Variants in RIC3 observed in about 807,000 individuals in gnomAD.
RIC3 encodes RIC3 acetylcholine receptor chaperone.
Under a neutral mutation model 27.3 loss-of-function variants are expected in RIC3, and 28 were observed. The ratio of observed to expected loss-of-function variants is 1.02; its 90% CI spans 0.76 to 1.41. The LOEUF (loss-of-function observed/expected upper bound fraction) is 1.41. RIC3 is among the 40% of genes most tolerant of loss of function. The pLI is 0.00. For missense variants in RIC3, 501 were observed against 444.7 expected, an observed-to-expected ratio of 1.13 and a Z score of -1.14; for synonymous variants, 184 against 160.4, an observed-to-expected ratio of 1.15 and a Z score of -1.11.
intron 1 of RIC3, among the ~76,000 whole-genome samples, chr11:8,159,927 G>C (rs1951020968): frequency 6.6e-6 from 1 of 152,120 alleles, no homozygotes; most frequent in African/African-American, 2.4e-5. Context: ...TTGGGAGGCA[G>C]AGGTTGCAGT....
chr11:8,127,502 T>C (rs182961074), intron 4 of RIC3, among the ~76,000 whole-genome samples: 69 of 152,348 alleles, frequency 4.5e-4, no homozygotes, highest in African/African-American at 1.6e-3. Flanking sequence ...AAGTTCCACA[T>C]TTTGGAAAAC....
chr11:8,114,606 C>CAAAAAAAA (rs58294024), intron 5 of RIC3, among the ~76,000 whole-genome samples: 1 of 136,686 alleles, frequency 7.3e-6, no homozygotes. Context: ...AACTCCATCT[C>CAAAAAAAA]AAAAAAAAAA....
chr11:8,110,856 C>T lies in RIC3; in HGVS notation c.952G>A (p.Glu318Lys), dbSNP rs563042363. The T allele has an allele frequency of 9.2e-5, 148 of 1,614,204 alleles. 1 individual carries two copies. The South Asian group carries it at 1.5e-3, about 17-fold the overall frequency. Residue 318 changes from glutamate to lysine, a missense_variant, in exon 6 of 6, where the codon GAG becomes AAG. Coordinates refer to ENST00000309737, the MANE Select transcript of RIC3 (RefSeq NM_001206671.4). ...CTATCTGCACTGAATCCAGCATTCT[C>T]TGCCAAGACAGCAGGATCCTCGTCT... The part of the protein sequence containing the change: ...HEDEDPAVLA[E>K]NAGFSADSYP...
At chr11:8,148,373 T>C (rs953392874) in intron 1 of RIC3, among the ~76,000 whole-genome samples, 1 of 152,198 alleles carries the variant, frequency 6.6e-6, no homozygotes, top group African/African-American at 2.4e-5. Context: ...TTGGCTATTA[T>C]GCACCTTCAA....
At chr11:8,095,577 A>G in the RIC3 span, 1 of 1,613,274 alleles carries the variant, frequency 6.2e-7, no homozygotes. Context: ...TGGGCCAGTC[A>G]GACCACGCCC....
intron 5 of RIC3, among the ~76,000 whole-genome samples, chr11:8,119,633 A>G (rs1946234212): frequency 1.3e-5 from 2 of 152,078 alleles, no homozygotes; most frequent in African/African-American, 4.8e-5. Flanking sequence ...ACATAGGCAT[A>G]GGCAAGGACT....
downstream of RIC3, chr11:8,102,598 T>C (rs1376708915): frequency 6.6e-6 from 1 of 151,866 alleles, no homozygotes; most frequent in Non-Finnish European, 1.5e-5. Context: ...TTGAAGAATC[T>C]CTCCTCTCTC....
chr11:8,155,061 A>G (rs1393223275), intron 1 of RIC3, among the ~76,000 whole-genome samples: 6 of 151,706 alleles, frequency 4.0e-5, no homozygotes, highest in Non-Finnish European at 8.8e-5. Context: ...TCTACGAAAA[A>G]CTTTTATAAA....
rs375403990 is a variant in RIC3, at chr11:8,111,062, T to C, written c.746A>G (p.Asp249Gly). Residue 249 changes from aspartate to glycine, a missense_variant, in exon 6 of 6, where the codon GAT (aspartate) becomes GGT (glycine). Transcript: ENST00000309737. Reference protein sequence around the residue: ...IKRRQETILVDYPDPKELSAE... With the variant: ...IKRRQETILVGYPDPKELSAE... ...AGAAAGTTCTTTTGGGTCAGGGTAA[T>C]CCACCAAGATTGTTTCTTGCCTACG... 12 of 1,614,014 alleles carry C rather than the reference T, an allele frequency of 7.4e-6. No individual in the cohort carries two copies. The highest frequency in any genetic ancestry group is 1.0e-5 in the Non-Finnish European group (12 of 1,180,012).
intron 1 of RIC3, among the ~76,000 whole-genome samples, chr11:8,166,973 T>C (rs976276633): frequency 5.9e-5 from 9 of 151,988 alleles, no homozygotes; most frequent in African/African-American, 2.2e-4. Flanking sequence ...AGAAAATACA[T>C]AGCTTTTATA....
At chr11:8,137,009 A>G (rs1948498032) in intron 4 of RIC3, among the ~76,000 whole-genome samples, 1 of 152,210 alleles carries the variant, frequency 6.6e-6, no homozygotes, top group African/African-American at 2.4e-5. Context: ...AAAAAAAAGC[A>G]TAATTTTGAA....
intron 1 of RIC3, among the ~76,000 whole-genome samples, chr11:8,149,024 C>CAA (rs34536745): frequency 0.34 from 33,058 of 95,900 alleles, 5,072 homozygotes; most frequent in East Asian, 0.48. Flanking sequence ...ACTAAAAATA[C>CAA]AAAAAAAAAA....
Position 8,137,491 on chromosome 11 carries a change from C to T in RIC3, c.428-20G>A. ...AACTGGCTAAAAAATAAGCAACAAT[C>T]TAAGAACCATCAGAGACAACTCCCT... On this transcript the variant is annotated intron_variant, in intron 3 of 5. Coordinates refer to ENST00000309737, the MANE Select transcript of RIC3 (RefSeq NM_001206671.4). 6.2e-7 allele frequency: 1 copy of T among 1,604,992 alleles called. No individual in the cohort carries two copies. The highest frequency in any genetic ancestry group is 1.1e-5 in the South Asian group (1 of 90,914).
chr11:8,126,950 C>CAGTTGGAGG, intron 4 of RIC3, 143 bp from the exon 5 acceptor site: 4 of 919,406 alleles, frequency 4.4e-6, no homozygotes, highest in Non-Finnish European at 5.1e-6. Flanking sequence ...CCTCCAACTG[C>CAGTTGGAGG]ATAGCTGGGA....
At chr11:8,097,380 G>T in the RIC3 span, 2 of 1,614,204 alleles carry the variant, frequency 1.2e-6, no homozygotes, top group Non-Finnish European at 1.7e-6. Flanking sequence ...ACCGGGGCAT[G>T]TACCCCACCT....
chr11:8,098,138 A>C, the RIC3 span, among the ~76,000 whole-genome samples: 2 of 151,918 alleles, frequency 1.3e-5, no homozygotes, highest in East Asian at 3.9e-4. Flanking sequence ...CCTTGGCTCC[A>C]TGGTCAATGC....
intron 1 of RIC3, among the ~76,000 whole-genome samples, chr11:8,145,358 C>T (rs367943505): frequency 3.1e-4 from 47 of 152,138 alleles, no homozygotes; most frequent in African/African-American, 1.1e-3. Flanking sequence ...TTTTTCTGTG[C>T]ACATCTTCTT....
At chr11:8,124,355 G>C (rs1234577011) in intron 5 of RIC3, among the ~76,000 whole-genome samples, 2 of 152,080 alleles carry the variant, frequency 1.3e-5, no homozygotes, top group African/African-American at 4.8e-5. Context: ...CTATACACTG[G>C]AAACTACAAC....
intron 1 of RIC3, among the ~76,000 whole-genome samples, chr11:8,149,034 A>C (rs1949987137): frequency 6.7e-6 from 1 of 149,486 alleles, no homozygotes. Context: ...CAAAAAAAAA[A>C]AAAAAAAAAT....
Sources: allele counts gnomAD v4.1 joint callset (sites outside exome capture counted in the v4.1 genomes callset), GRCh38; gene constraint gnomAD v4.1.1; transcripts MANE v1.5; gene names NCBI Gene and HGNC (gene_info 2026-07-23, HGNC 2026-07-21).